Variants in SYCP1 observed in about 807,000 individuals in gnomAD.
The protein encoded by SYCP1 is synaptonemal complex protein 1, also known as cancer/testis antigen 8.
Under a neutral mutation model 153.1 loss-of-function variants are expected in SYCP1, and 64 were observed. That is an observed-to-expected ratio of 0.42 (90% confidence interval 0.34 to 0.51). The LOEUF is 0.51. Ranked by LOEUF, SYCP1 falls within the 20% of genes least tolerant of loss-of-function variation. The probability of loss-of-function intolerance (pLI) is 0.06; values close to 1 mark genes in which losing one functional copy is unlikely to be tolerated. For synonymous variants in SYCP1, 384 were observed against 341.8 expected (o/e 1.12, Z -1.36); for missense variants, 997 against 1,049.0 (o/e 0.95, Z 0.68).
intron 27 of SYCP1, among the ~76,000 whole-genome samples, chr1:114,955,471 G>A (rs1014588374): frequency 7.2e-5 from 11 of 152,178 alleles, no homozygotes; most frequent in South Asian, 2.1e-4. Context: ...TATAAAATTG[G>A]TGTTAATTTT....
rs959898102 is a variant in SYCP1, at chr1:114,994,797, A to G, written c.2793+10A>G. 4 of 1,581,066 alleles carry G rather than the reference A, an allele frequency of 2.5e-6. No homozygotes were observed. The highest frequency in any genetic ancestry group is 3.4e-6 in the Non-Finnish European group (4 of 1,170,026). On this transcript the variant is annotated intron_variant, in intron 31 of 31. Coordinates refer to ENST00000369522, the MANE Select transcript of SYCP1 (RefSeq NM_003176.4). ...CAAAACACCAAAAAAGGTAGCTTTT[A>G]AATTTTATTTCAGAAAGCAAATTTT...
At position 114,880,016 on chromosome 1, in the gene SYCP1, T is replaced by C. The variant is rs543970628; in HGVS notation, c.910+1814T>C. Among the ~76,000 whole-genome samples the C allele has an allele frequency of 2.3e-3, 346 of 152,328 alleles. 1 individual carries two copies. Among genetic ancestry groups the C allele is most frequent in the African/African-American group, 8.0e-3 (334 of 41,580 alleles). On this transcript the variant is annotated intron_variant, in intron 12 of 31. Transcript: ENST00000369522. ...TCATTTTTCACCTCTTAAATATATA[T>C]TCGTCATTGATATTTTATAGCTATT...
intron 16 of SYCP1, among the ~76,000 whole-genome samples, chr1:114,899,197 CAGAT>C (rs1256773228): frequency 3.3e-5 from 5 of 152,218 alleles, no homozygotes; most frequent in Non-Finnish European, 5.9e-5. Flanking sequence ...AGAATACACA[CAGAT>C]AGTTTCCAAA....
At chr1:114,973,577 C>T (rs1672623339) in intron 27 of SYCP1, among the ~76,000 whole-genome samples, 1 of 152,020 alleles carries the variant, frequency 6.6e-6, no homozygotes, top group Non-Finnish European at 1.5e-5. Flanking sequence ...GAAATGAGCA[C>T]ATTTGTATAT....
At chr1:114,984,374 T>G (rs183591022) in intron 29 of SYCP1, among the ~76,000 whole-genome samples, 1 of 152,228 alleles carries the variant, frequency 6.6e-6, no homozygotes, top group African/African-American at 2.4e-5. Flanking sequence ...CACTCAGTTA[T>G]TTTTTTCGAT....
chr1:114,949,592 T>C (rs1670960271), intron 27 of SYCP1, among the ~76,000 whole-genome samples: 1 of 152,202 alleles, frequency 6.6e-6, no homozygotes, highest in African/African-American at 2.4e-5. Context: ...TGCCTTGATA[T>C]GTGAGGCCCA....
intron 18 of SYCP1, among the ~76,000 whole-genome samples, chr1:114,912,548 T>C (rs1403015880): frequency 6.8e-6 from 1 of 147,968 alleles, no homozygotes; most frequent in Admixed American, 6.7e-5. Context: ...GCAAAAAAGT[T>C]AAATTCAGTT....
At chr1:114,887,752 A>G in intron 15 of SYCP1, 59 bp downstream of exon 15, 1 of 1,075,292 alleles carries the variant, frequency 9.3e-7, no homozygotes, top group Non-Finnish European at 1.3e-6. Context: ...TAGAATCATA[A>G]ACACTGTTTT....
chr1:114,906,752 C>A (rs929101489), intron 16 of SYCP1, among the ~76,000 whole-genome samples: 1 of 152,102 alleles, frequency 6.6e-6, no homozygotes, highest in Non-Finnish European at 1.5e-5. Flanking sequence ...TTTTATGTAT[C>A]AGATATGATA....
chr1:114,856,676 A>C lies in SYCP1; in HGVS notation c.193+19A>C, dbSNP rs762116817. On this transcript the variant is annotated intron_variant, in intron 3 of 31. Coordinates refer to ENST00000369522, the MANE Select transcript of SYCP1 (RefSeq NM_003176.4). ...GATTCAGGTAGGAGCATGGAAAAGC[A>C]GTGTATCAGCTTATATAGAAACATT... is the stretch of plus-strand genomic sequence containing the variant. 15 of 1,573,166 alleles carry C rather than the reference A, an allele frequency of 9.5e-6. No individual in the cohort carries two copies. The highest frequency in any genetic ancestry group is 1.2e-5 in the Non-Finnish European group (14 of 1,148,802).
At chr1:114,980,525 T>A (rs1431919846) in intron 28 of SYCP1, among the ~76,000 whole-genome samples, 1 of 151,958 alleles carries the variant, frequency 6.6e-6, no homozygotes, top group Non-Finnish European at 1.5e-5. Flanking sequence ...ATTATTCTCC[T>A]TGCTTTTGGA....
chr1:114,961,976 CTTTT>C (rs562251009), intron 27 of SYCP1, among the ~76,000 whole-genome samples: 1 of 124,418 alleles, frequency 8.0e-6, no homozygotes, highest in African/African-American at 3.1e-5. Flanking sequence ...TGCCATCTAT[CTTTT>C]TTTTTTTTTT....
At position 114,892,474 on chromosome 1, in the gene SYCP1, C is replaced by A. The variant is rs1394836170; in HGVS notation, c.1259-2974C>A. Reference sequence around the variant, plus strand: ...GTACTCAGGGCATGTGACCCCGCTGCTGGGGGCAGTGAGGTTGCTGCTAGT... The same window carrying A: ...GTACTCAGGGCATGTGACCCCGCTGATGGGGGCAGTGAGGTTGCTGCTAGT... On this transcript the variant is annotated intron_variant, in intron 15 of 31. Transcript: ENST00000369522. Among the ~76,000 whole-genome samples, 5 of 152,286 alleles carry A rather than the reference C, an allele frequency of 3.3e-5. 1 individual carries two copies. Among genetic ancestry groups the A allele is most frequent in the Admixed American group, 2.6e-4 (4 of 15,294 alleles).
intron 27 of SYCP1, among the ~76,000 whole-genome samples, chr1:114,975,461 T>TA (rs147687799): frequency 0.049 from 7,500 of 151,822 alleles, 264 homozygotes; most frequent in African/African-American, 0.096. Flanking sequence ...TCCTGTTTCA[T>TA]ATTGCCCTAC....
intron 12 of SYCP1, among the ~76,000 whole-genome samples, chr1:114,878,637 G>C (rs1033249042): frequency 1.3e-5 from 2 of 152,120 alleles, no homozygotes; most frequent in Non-Finnish European, 2.9e-5. Flanking sequence ...TCTGCCTCCC[G>C]AGTTCAAGCG....
Position 114,923,514 on chromosome 1 carries a change from A to G in SYCP1, c.1784A>G (p.Asp595Gly). Residue 595 changes from aspartate to glycine, a missense_variant, in exon 21 of 32, where the codon GAC becomes GGC. By Grantham distance (94) the Asp-to-Gly change is moderately conservative. Around this residue, in one of 2 missense-constraint regions of SYCP1, gnomAD observed 712 missense variants for 682.9 expected, o/e 1.04. Transcript: ENST00000369522. ...AGAGATGAAGTTAAATGTAAATTGG[A>G]CAAGAGTGAAGAAAATGTATGTTAT... ...QKRDEVKCKL[D>G]KSEENCNNLR... The G allele has an allele frequency of 6.3e-7, 1 of 1,589,326 alleles. No individual in the cohort carries two copies. The highest frequency in any genetic ancestry group is 2.3e-5 in the East Asian group (1 of 44,204).
intron 15 of SYCP1, among the ~76,000 whole-genome samples, chr1:114,888,908 T>A (rs1484297706): frequency 6.8e-6 from 1 of 146,804 alleles, no homozygotes; most frequent in Non-Finnish European, 1.5e-5. Context: ...CCTGTGTCCA[T>A]GTGTTCTCAT....
intron 23 of SYCP1, among the ~76,000 whole-genome samples, chr1:114,933,775 A>G (rs1179444995): frequency 6.6e-6 from 1 of 152,236 alleles, no homozygotes; most frequent in Non-Finnish European, 1.5e-5. Flanking sequence ...AAGCTTCAGT[A>G]GCTGATTCGA....
intron 16 of SYCP1, among the ~76,000 whole-genome samples, chr1:114,903,792 G>C (rs965836801): frequency 4.6e-5 from 7 of 152,200 alleles, no homozygotes; most frequent in African/African-American, 1.7e-4. Context: ...GGAGGTCGTA[G>C]TAGTAGTGAG....
Sources: gnomAD v4.1 joint callset for allele counts (sites outside exome capture counted in the v4.1 genomes callset) on GRCh38, gnomAD v4.1.1 for gene constraint, gnomAD v4.1.1 regional missense constraint, MANE v1.5 for transcripts, NCBI Gene and HGNC (gene_info 2026-07-23, HGNC 2026-07-21) for gene names.